WDR31: variants seen among roughly 807,000 people sequenced by gnomAD.
The protein encoded by WDR31 is WD repeat-containing protein 31.
In WDR31, 30 loss-of-function variants were observed where a neutral mutation model predicts 47.3. The observed-to-expected ratio is 0.63, with a 90% confidence interval of 0.47 to 0.86. The LOEUF is 0.86. WDR31 is among the 40% of genes least tolerant of loss of function. The pLI is 0.00. For missense variants in WDR31, 406 were observed against 442.9 expected (o/e 0.92, Z 0.75); for synonymous variants, 137 against 159.4 (o/e 0.86, Z 1.06).
intron 1 of WDR31, among the ~76,000 whole-genome samples, chr9:113,337,488 C>T (rs1833742447): frequency 7.6e-6 from 1 of 132,446 alleles, no homozygotes; most frequent in South Asian, 2.5e-4. Context: ...TTTTTTTAGA[C>T]AGAATCTTAC....
At position 113,334,703 on chromosome 9, in the gene WDR31, C is replaced by CT. The variant is rs71367719; in HGVS notation, c.-29+1584dup. Among the ~76,000 whole-genome samples the CT allele has an allele frequency of 5.0e-3, 314 of 63,034 alleles. 5 individuals are homozygous for CT. The highest frequency in any genetic ancestry group is 8.0e-3 in the African/African-American group (120 of 15,082). 41.4% of individuals were successfully genotyped at this position (63,034 alleles called of 152,430 possible). A position where few individuals can be genotyped will look rare whatever the true frequency, so the allele number is the denominator to read the frequency against. ...TACAGGCATGCGCCACTACATCAGG[C>CT]TTTTTTTTTTTTTTTTTTTTTTTTT... is the stretch of plus-strand genomic sequence containing the variant. On this transcript the variant is annotated intron_variant, in intron 2 of 10. Transcript: ENST00000374193.
At chr9:113,320,592 T>G in intron 8 of WDR31, 94 bp from the exon 9 acceptor site, 1 of 1,475,546 alleles carries the variant, frequency 6.8e-7, no homozygotes, top group Non-Finnish European at 9.1e-7. Context: ...GGCTCTTTGC[T>G]GCATAGGCCA....
chr9:113,324,671 C>T (rs980552017), intron 5 of WDR31, among the ~76,000 whole-genome samples: 2 of 151,854 alleles, frequency 1.3e-5, no homozygotes, highest in Non-Finnish European at 2.9e-5. Flanking sequence ...TTTACAAGCA[C>T]GAGCCACTGT....
At chr9:113,327,949 A>T (rs1251272995) in intron 5 of WDR31, among the ~76,000 whole-genome samples, 1 of 151,420 alleles carries the variant, frequency 6.6e-6, no homozygotes, top group Non-Finnish European at 1.5e-5. Context: ...AAACAAAACA[A>T]AAAATTCCTG....
intron 5 of WDR31, among the ~76,000 whole-genome samples, chr9:113,328,054 C>T (rs569347688): frequency 6.6e-6 from 1 of 152,120 alleles, no homozygotes; most frequent in Non-Finnish European, 1.5e-5. Context: ...TTTAGGGTGA[C>T]CAGAAGAAGG....
intron 9 of WDR31, among the ~76,000 whole-genome samples, chr9:113,319,943 T>C (rs1240765306): frequency 2.6e-5 from 4 of 152,126 alleles, no homozygotes; most frequent in African/African-American, 7.2e-5. Context: ...TGATGAATGT[T>C]TCTTTTATTT....
At chr9:113,338,794 T>G (rs1833769423) in intron 1 of WDR31, among the ~76,000 whole-genome samples, 1 of 152,008 alleles carries the variant, frequency 6.6e-6, no homozygotes, top group Non-Finnish European at 1.5e-5. Flanking sequence ...AATTTTGTGT[T>G]TTTAGTAGAG....
chr9:113,330,868 C>T, intron 4 of WDR31, 116 bp downstream of exon 4: 1 of 1,188,042 alleles, frequency 8.4e-7, no homozygotes, highest in Non-Finnish European at 1.1e-6. Flanking sequence ...ACTCTAAAGC[C>T]AATATTTTTA....
At chr9:113,317,775 T>C (rs376802844) in intron 10 of WDR31, among the ~76,000 whole-genome samples, 33 of 152,372 alleles carry the variant, frequency 2.2e-4, no homozygotes, top group African/African-American at 7.7e-4. Flanking sequence ...CAGGACAGAA[T>C]AGATGGAGGC....
intron 5 of WDR31, among the ~76,000 whole-genome samples, chr9:113,326,875 C>T (rs1427619590): frequency 6.6e-6 from 1 of 151,948 alleles, no homozygotes; most frequent in Non-Finnish European, 1.5e-5. Flanking sequence ...CTTGCTCTGT[C>T]GCCAAGGCTG....
chr9:113,323,075 G>GGA lies in WDR31; in HGVS notation c.403_404dup (p.Ser136ProfsTer20). ...CACACAATTGCTGCCTTGGTTGTGAGGAACCGTGCAAGTCCCACATCATGA... is the reference window on the plus strand; with the variant it reads ...CACACAATTGCTGCCTTGGTTGTGAGGAGAACCGTGCAAGTCCCACATCATGA... On this transcript the variant is annotated frameshift_variant, in exon 6 of 11. Transcript: ENST00000374193. LOFTEE classifies it high-confidence loss of function. 6.2e-7 allele frequency: 1 copy of GGA among 1,614,192 alleles called. No homozygotes were observed. Among genetic ancestry groups the GGA allele is most frequent in the Non-Finnish European group, 8.5e-7 (1 of 1,180,032 alleles).
At chr9:113,333,423 G>A (rs1460138366) in intron 2 of WDR31, among the ~76,000 whole-genome samples, 3 of 140,496 alleles carry the variant, frequency 2.1e-5, no homozygotes, top group South Asian at 2.3e-4. Context: ...CGCCCAGGCC[G>A]GACTGCGGAC....
intron 10 of WDR31, among the ~76,000 whole-genome samples, chr9:113,317,820 A>C (rs1833240584): frequency 6.6e-6 from 1 of 152,232 alleles, no homozygotes; most frequent in East Asian, 1.9e-4. Context: ...TCTGGAAGAG[A>C]AAACACCACC....
chr9:113,337,484 T>A (rs1180269870), intron 1 of WDR31, among the ~76,000 whole-genome samples: 1 of 142,922 alleles, frequency 7.0e-6, no homozygotes, highest in Non-Finnish European at 1.6e-5. Flanking sequence ...TTTTTTTTTT[T>A]AGACAGAATC....
At chr9:113,323,180 C>T (rs1833371639) in intron 5 of WDR31, 25 bp from the exon 6 acceptor site, 2 of 1,606,812 alleles carry the variant, frequency 1.2e-6, no homozygotes, top group African/African-American at 2.7e-5. Flanking sequence ...AACAACAACA[C>T]TGAAATAGCT....
intron 2 of WDR31, among the ~76,000 whole-genome samples, chr9:113,334,434 T>C (rs188719494): frequency 7.7e-4 from 117 of 152,344 alleles, no homozygotes; most frequent in African/African-American, 2.6e-3. Context: ...TTATTTTTCA[T>C]AAAATGATGT....
intron 8 of WDR31, 22 bp from the exon 9 acceptor site, chr9:113,320,520 A>T: frequency 1.2e-6 from 2 of 1,609,328 alleles, no homozygotes; most frequent in Non-Finnish European, 1.7e-6. Flanking sequence ...TAGGGCAGGA[A>T]ATTAGCTTGT....
intron 2 of WDR31, among the ~76,000 whole-genome samples, chr9:113,335,382 A>G (rs536151142): frequency 6.6e-6 from 1 of 152,198 alleles, no homozygotes; most frequent in East Asian, 1.9e-4. Context: ...ACTGGCTGTG[A>G]TATCAGATAG....
intron 1 of WDR31, among the ~76,000 whole-genome samples, chr9:113,338,764 G>A (rs549982726): frequency 4.1e-4 from 62 of 152,100 alleles, no homozygotes; most frequent in African/African-American, 1.4e-3. Flanking sequence ...GATTACAGGC[G>A]CCTGCCACCA....
Sources: gnomAD v4.1 joint callset for allele counts (sites outside exome capture counted in the v4.1 genomes callset) on GRCh38, gnomAD v4.1.1 for gene constraint, MANE v1.5 for transcripts, NCBI Gene and HGNC (gene_info 2026-07-23, HGNC 2026-07-21) for gene names.